Variants in TANC2 observed in about 807,000 individuals in gnomAD.
The protein encoded by TANC2 is tetratricopeptide repeat, ankyrin repeat and coiled-coil containing 2, also known as protein TANC2.
TANC2 carries 26 observed loss-of-function variants against 210.5 expected under a neutral mutation model. That is an observed-to-expected ratio of 0.12 (90% CI 0.09 to 0.17). TANC2 has a LOEUF of 0.17. TANC2 is among the 10% of genes least tolerant of loss of function. The pLI is 1.00. For missense variants in TANC2, 2,129 were observed against 2,608.9 expected (o/e 0.82, Z 4.01); for synonymous variants, 931 against 967.1 (o/e 0.96, Z 0.69).
chr17:63,358,508 C>T (rs1275422233), intron 14 of TANC2, among the ~76,000 whole-genome samples: 4 of 151,716 alleles, frequency 2.6e-5, no homozygotes, highest in African/African-American at 9.7e-5. Flanking sequence ...AATCACAAAC[C>T]TTAGACCATA....
chr17:63,183,361 A>G (rs2040858062), intron 5 of TANC2, among the ~76,000 whole-genome samples: 1 of 152,170 alleles, frequency 6.6e-6, no homozygotes, highest in Admixed American at 6.5e-5. Context: ...AATAATTTCT[A>G]TTTTTTTCTC....
intron 1 of TANC2, among the ~76,000 whole-genome samples, chr17:62,987,613 C>G (rs531584220): frequency 2.0e-5 from 3 of 152,302 alleles, no homozygotes; most frequent in African/African-American, 7.2e-5. Flanking sequence ...TCTTTCCTGA[C>G]TCCAGGCAGA....
At chr17:63,256,818 T>C (rs1567858716) in intron 8 of TANC2, among the ~76,000 whole-genome samples, 2 of 152,228 alleles carry the variant, frequency 1.3e-5, no homozygotes, top group South Asian at 4.1e-4. Flanking sequence ...ATATTTACAG[T>C]TGTTATATCC....
At chr17:63,355,510 G>T in intron 14 of TANC2, 120 bp downstream of exon 14, 1 of 1,132,702 alleles carries the variant, frequency 8.8e-7, no homozygotes, top group Non-Finnish European at 1.2e-6. Flanking sequence ...GACATCATCT[G>T]TGTTTCTTCT....
intron 1 of TANC2, among the ~76,000 whole-genome samples, chr17:63,006,267 A>G (rs2033622323): frequency 6.6e-6 from 1 of 150,648 alleles, no homozygotes; most frequent in African/African-American, 2.4e-5. Context: ...TATTTCATTC[A>G]TTTTTTTCTT....
intron 7 of TANC2, among the ~76,000 whole-genome samples, chr17:63,209,688 C>T (rs955502418): frequency 6.6e-6 from 1 of 152,154 alleles, no homozygotes. Context: ...CTGCCTTGGC[C>T]TCCCAAAGTG....
At chr17:62,991,798 A>G (rs2032883923) in intron 1 of TANC2, among the ~76,000 whole-genome samples, 1 of 152,178 alleles carries the variant, frequency 6.6e-6, no homozygotes, top group Admixed American at 6.5e-5. Flanking sequence ...GTTGAGAGAG[A>G]GAGGAATTAA....
chr17:63,133,513 G>A (rs1020163682), intron 4 of TANC2, among the ~76,000 whole-genome samples: 6 of 151,804 alleles, frequency 4.0e-5, no homozygotes, highest in African/African-American at 1.5e-4. Context: ...AATTCTTTTT[G>A]TTTTCTTTGT....
chr17:62,980,369 C>A (rs1005941165), intron 1 of TANC2, among the ~76,000 whole-genome samples: 1 of 152,104 alleles, frequency 6.6e-6, no homozygotes. Context: ...ATCTGAAAAT[C>A]CAAAATCTGA....
intron 1 of TANC2, among the ~76,000 whole-genome samples, chr17:62,973,229 G>T (rs2031810914): frequency 6.6e-6 from 1 of 152,032 alleles, no homozygotes; most frequent in Non-Finnish European, 1.5e-5. Flanking sequence ...ATGGGGTTTT[G>T]CCATGTTGGC....
intron 10 of TANC2, among the ~76,000 whole-genome samples, chr17:63,315,819 T>C (rs1158252288): frequency 1.3e-5 from 2 of 152,192 alleles, no homozygotes; most frequent in Non-Finnish European, 2.9e-5. Flanking sequence ...TCTGATAAAC[T>C]TATGGATGTC....
At chr17:63,242,247 G>C (rs188610705) in intron 8 of TANC2, among the ~76,000 whole-genome samples, 244 of 152,076 alleles carry the variant, frequency 1.6e-3, no homozygotes, top group African/African-American at 5.7e-3. Context: ...TCCTATAAAA[G>C]CCCGATAAGC....
chr17:63,130,630 T>G (rs1030731007), intron 4 of TANC2, among the ~76,000 whole-genome samples: 4 of 152,224 alleles, frequency 2.6e-5, no homozygotes, highest in African/African-American at 9.6e-5. Context: ...TTACTGCATA[T>G]TTACATTTCA....
intron 19 of TANC2, chr17:63,399,227 C>G (rs926578887): frequency 5.7e-6 from 1 of 176,518 alleles, no homozygotes; most frequent in Non-Finnish European, 1.2e-5. Flanking sequence ...ATTATTGTGG[C>G]CTGTCTCCTT....
intron 5 of TANC2, among the ~76,000 whole-genome samples, chr17:63,179,227 T>C (rs903149685): frequency 2.6e-5 from 4 of 152,224 alleles, no homozygotes; most frequent in African/African-American, 7.2e-5. Flanking sequence ...TGCTAGATGC[T>C]GTTAAAGATA....
Position 63,403,316 on chromosome 17 carries a change from A to G in TANC2, c.3332-1806A>G, listed in dbSNP as rs75628434. On this transcript the variant is annotated intron_variant, in intron 19 of 27. Coordinates refer to ENST00000689528, the Ensembl canonical transcript of TANC2. ...ACAGAGGTTTGCTGCAAACTTATCAACCTAGTAACTACTTTAAACGAGTTT... is the reference window on the plus strand; with the variant it reads ...ACAGAGGTTTGCTGCAAACTTATCAGCCTAGTAACTACTTTAAACGAGTTT... 1.4e-3 allele frequency among the ~76,000 whole-genome samples: 218 copies of G among 152,302 alleles called. 6 individuals carry two copies. In the East Asian group the frequency reaches 0.038, roughly 27 times the overall value.
intron 11 of TANC2, among the ~76,000 whole-genome samples, chr17:63,338,216 A>G (rs1337777360): frequency 6.6e-6 from 1 of 152,188 alleles, no homozygotes; most frequent in Non-Finnish European, 1.5e-5. Flanking sequence ...TGATTGAACT[A>G]ATTTACACTC....
intron 13 of TANC2, among the ~76,000 whole-genome samples, chr17:63,354,430 A>T (rs1405820533): frequency 1.3e-5 from 2 of 152,180 alleles, no homozygotes; most frequent in Admixed American, 6.5e-5. Context: ...ACTGACTTGT[A>T]CTTGGCATTA....
chr17:63,298,337 A>G (rs2044602135), intron 9 of TANC2, among the ~76,000 whole-genome samples: 3 of 152,210 alleles, frequency 2.0e-5, no homozygotes, highest in South Asian at 4.1e-4. Flanking sequence ...GCATCATGGT[A>G]TATATGTACA....
Sources: allele counts gnomAD v4.1 joint callset (sites outside exome capture counted in the v4.1 genomes callset), GRCh38; gene constraint gnomAD v4.1.1; transcripts MANE v1.5; gene names NCBI Gene and HGNC (gene_info 2026-07-23, HGNC 2026-07-21).